The following NRG3 variants were observed in gnomAD, a reference collection of about 807,000 sequenced individuals.
NRG3 encodes the protein neuregulin 3.
A neutral mutation model predicts 66.9 loss-of-function variants in NRG3; 31 were observed. That is an observed-to-expected ratio of 0.46 (90% CI 0.35 to 0.63). NRG3 has a LOEUF of 0.63. Ranked by LOEUF, NRG3 falls within the 20% of genes least tolerant of loss-of-function variation. NRG3 has a pLI of 0.00. For missense variants in NRG3, 910 were observed against 878.9 expected, an observed-to-expected ratio of 1.04 and a Z score of -0.45; for synonymous variants, 393 against 359.4, an observed-to-expected ratio of 1.09 and a Z score of -1.06.
intron 2 of NRG3, among the ~76,000 whole-genome samples, chr10:82,712,211 C>G (rs112837521): frequency 2.4e-5 from 2 of 84,310 alleles, no homozygotes; most frequent in African/African-American, 8.3e-5. Context: ...TTTATATATT[C>G]TATAAAGCAA....
intron 1 of NRG3, among the ~76,000 whole-genome samples, chr10:81,904,197 G>A (rs113371896): frequency 0.02 from 3,027 of 151,514 alleles, 80 homozygotes; most frequent in African/African-American, 0.063. Context: ...TTTAGTAGAG[G>A]TGGGATTTCA....
rs140451093 is a variant in NRG3 at position 82,810,974 on chromosome 10, T to C, written c.1028-54437T>C. 1.8e-3 allele frequency among the ~76,000 whole-genome samples: 278 copies of C among 152,232 alleles called. 2 individuals are homozygous for C. The highest frequency in any genetic ancestry group is 4.9e-4 in the Non-Finnish European group (33 of 68,014). ...ATACTACTGCCCTACTATGGAGAGGTGTCCTTGTGTGTCCTTTACTTGCAG... is the reference window on the plus strand; with the variant it reads ...ATACTACTGCCCTACTATGGAGAGGCGTCCTTGTGTGTCCTTTACTTGCAG... On this transcript the variant is annotated intron_variant, in intron 3 of 8. Transcript: ENST00000372141.
At chr10:82,766,458 GGAAAT>G (rs2059515593) in intron 3 of NRG3, among the ~76,000 whole-genome samples, 2 of 152,060 alleles carry the variant, frequency 1.3e-5, no homozygotes, top group South Asian at 4.1e-4. Flanking sequence ...TATATTGAAT[GGAAAT>G]GAACCCTAAA....
At chr10:82,632,137 C>A (rs908053380) in intron 2 of NRG3, among the ~76,000 whole-genome samples, 1 of 152,034 alleles carries the variant, frequency 6.6e-6, no homozygotes, top group Non-Finnish European at 1.5e-5. Flanking sequence ...AAAAATAACA[C>A]CCACATATCC....
At chr10:82,256,721 A>C (rs75164082) in intron 1 of NRG3, among the ~76,000 whole-genome samples, 12 of 152,350 alleles carry the variant, frequency 7.9e-5, no homozygotes, top group African/African-American at 2.6e-4. Context: ...TTTACAAAAT[A>C]AGGATATTCT....
intron 1 of NRG3, among the ~76,000 whole-genome samples, chr10:82,353,355 A>G (rs1284899558): frequency 1.3e-5 from 2 of 152,312 alleles, no homozygotes; most frequent in East Asian, 3.9e-4. Flanking sequence ...GAAACCAGTC[A>G]TCGTTTCAAT....
At chr10:82,800,130 T>G (rs12773117) in intron 3 of NRG3, among the ~76,000 whole-genome samples, 21,609 of 152,216 alleles carry the variant, frequency 0.14, 1,557 homozygotes, top group South Asian at 0.22. Flanking sequence ...GAATCTTATT[T>G]CTCGGTTTTC....
intron 2 of NRG3, among the ~76,000 whole-genome samples, chr10:82,630,642 C>CA (rs1308722145): frequency 2.0e-5 from 3 of 150,766 alleles, no homozygotes; most frequent in Admixed American, 6.6e-5. Flanking sequence ...CACGCCACTG[C>CA]ATTCCAGCCT....
intron 2 of NRG3, among the ~76,000 whole-genome samples, chr10:82,528,776 TA>T (rs372223585): frequency 6.6e-6 from 1 of 151,360 alleles, no homozygotes; most frequent in African/African-American, 2.4e-5. Flanking sequence ...TTAGTGAGTG[TA>T]AAAAAAAAGT....
intron 3 of NRG3, among the ~76,000 whole-genome samples, chr10:82,836,779 A>G (rs2062800536): frequency 6.6e-6 from 1 of 151,778 alleles, no homozygotes; most frequent in Non-Finnish European, 1.5e-5. Flanking sequence ...CATGTACACA[A>G]CGTGCAGGTT....
chr10:82,684,134 G>T (rs1453605630), intron 2 of NRG3, among the ~76,000 whole-genome samples: 2 of 152,182 alleles, frequency 1.3e-5, no homozygotes, highest in Non-Finnish European at 2.9e-5. Context: ...TTAGATACAA[G>T]GATACATTTT....
intron 1 of NRG3, among the ~76,000 whole-genome samples, chr10:82,219,530 T>G (rs2075842084): frequency 6.6e-6 from 1 of 152,114 alleles, no homozygotes; most frequent in African/African-American, 2.4e-5. Context: ...ATGATTATTT[T>G]TTGGGCCCTC....
intron 3 of NRG3, among the ~76,000 whole-genome samples, chr10:82,751,622 C>T (rs565318080): frequency 3.9e-5 from 6 of 152,222 alleles, no homozygotes; most frequent in Non-Finnish European, 8.8e-5. Context: ...CAGGTACATG[C>T]ACAAAAGTTC....
intron 2 of NRG3, among the ~76,000 whole-genome samples, chr10:82,494,145 T>G (rs977557405): frequency 2.0e-5 from 3 of 152,168 alleles, no homozygotes; most frequent in African/African-American, 7.2e-5. Flanking sequence ...TTGGAGGGAA[T>G]GTAAATTAGT....
At chr10:82,650,933 A>G (rs1381244976) in intron 2 of NRG3, among the ~76,000 whole-genome samples, 2 of 152,156 alleles carry the variant, frequency 1.3e-5, no homozygotes, top group Non-Finnish European at 2.9e-5. Context: ...GATATATTTC[A>G]AGCCCACACA....
intron 1 of NRG3, among the ~76,000 whole-genome samples, chr10:82,143,369 A>G (rs1219646763): frequency 1.3e-5 from 2 of 152,180 alleles, no homozygotes; most frequent in African/African-American, 2.4e-5. Flanking sequence ...GGCCAAAACT[A>G]TTAGCCTTAT....
chr10:82,402,463 T>G (rs1351447998), intron 2 of NRG3, among the ~76,000 whole-genome samples: 1 of 152,212 alleles, frequency 6.6e-6, no homozygotes, highest in Non-Finnish European at 1.5e-5. Flanking sequence ...TTATTTATTT[T>G]CAGCTGTTGC....
chr10:82,458,347 A>G (rs1293285566), intron 2 of NRG3, among the ~76,000 whole-genome samples: 1 of 152,176 alleles, frequency 6.6e-6, no homozygotes, highest in Non-Finnish European at 1.5e-5. Flanking sequence ...TATCTTTATT[A>G]TCAATGACAA....
At chr10:81,898,604 T>C (rs761748940) in intron 1 of NRG3, among the ~76,000 whole-genome samples, 3 of 152,182 alleles carry the variant, frequency 2.0e-5, no homozygotes, top group Non-Finnish European at 4.4e-5. Context: ...CAGTATGACT[T>C]GATGTAAAAT....
Sources: gnomAD v4.1 joint callset for allele counts (sites outside exome capture counted in the v4.1 genomes callset) on GRCh38, gnomAD v4.1.1 for gene constraint, MANE v1.5 for transcripts, NCBI Gene and HGNC (gene_info 2026-07-23, HGNC 2026-07-21) for gene names.